The following PCDHGA6 variants were observed in gnomAD, a reference collection of about 807,000 sequenced individuals.
The protein encoded by PCDHGA6 is protocadherin gamma-A6.
In PCDHGA6, 41 loss-of-function variants were observed where a neutral mutation model predicts 60.6. That is an observed-to-expected ratio of 0.68 (90% CI 0.53 to 0.88). The LOEUF (loss-of-function observed/expected upper bound fraction) is 0.88, where lower values mean the gene tolerates loss of function less well. Among genes scored for constraint, PCDHGA6 ranks in the 40% least tolerant of loss-of-function variants. PCDHGA6 has a pLI of 0.00. For missense variants in PCDHGA6, 1,312 were observed against 1,203.0 expected, an observed-to-expected ratio of 1.09 and a Z score of -1.34; for synonymous variants, 594 against 524.4, an observed-to-expected ratio of 1.13 and a Z score of -1.81.
At chr5:141,377,892 C>T (rs1387473486) in intron 1 of PCDHGA6, 1 of 152,170 alleles carries the variant, frequency 6.6e-6, no homozygotes, top group Non-Finnish European at 1.5e-5. Context: ...TAGGATCCCC[C>T]TCTGTTGCCC....
At chr5:141,435,421 C>T (rs1384040447) in intron 1 of PCDHGA6, among the ~76,000 whole-genome samples, 2 of 152,096 alleles carry the variant, frequency 1.3e-5, no homozygotes, top group Non-Finnish European at 2.9e-5. Context: ...CTATTTTTCA[C>T]TTCTGTTATG....
intron 1 of PCDHGA6, chr5:141,418,165 T>G (rs1296752918): frequency 6.2e-7 from 1 of 1,614,034 alleles, no homozygotes. Flanking sequence ...GAAGAAGATG[T>G]GAGTTGCAAT....
In PCDHGA6 at chr5:141,432,973, G is replaced by T. The variant is rs150572360; in HGVS notation, c.2424+56466G>T. The T allele has an allele frequency of 3.7e-6, 6 of 1,614,096 alleles. 1 individual carries two copies. The highest frequency in any genetic ancestry group is 1.7e-5 in the Admixed American group (1 of 60,014). Reference sequence around the variant, plus strand: ...GCGGCTTGACAGGAGCGCCGGCGTCGCACTTTGTGGGCGTGGACGGGGTGC... The same window carrying T: ...GCGGCTTGACAGGAGCGCCGGCGTCTCACTTTGTGGGCGTGGACGGGGTGC... On this transcript the variant is annotated intron_variant, in intron 1 of 3. Coordinates refer to ENST00000517434, the MANE Select transcript of PCDHGA6 (RefSeq NM_018919.3). This position sits in a 1 kb window ranked among gnomAD's most constrained non-coding sequence, Gnocchi z 6.0.
intron 2 of PCDHGA6, among the ~76,000 whole-genome samples, chr5:141,501,009 C>T (rs2099804715): frequency 2.0e-5 from 3 of 152,040 alleles, no homozygotes; most frequent in Non-Finnish European, 4.4e-5. Context: ...GCTGGGACTA[C>T]AGGCACGCGC....
chr5:141,421,216 T>G, intron 1 of PCDHGA6: 1 of 1,567,154 alleles, frequency 6.4e-7, no homozygotes, highest in Non-Finnish European at 8.6e-7. Flanking sequence ...GAATATCGGC[T>G]TAGAGCCTGC....
chr5:141,458,054 T>G (rs2098935656), intron 1 of PCDHGA6, among the ~76,000 whole-genome samples: 1 of 152,252 alleles, frequency 6.6e-6, no homozygotes, highest in Admixed American at 6.5e-5. Context: ...GGATTCTTGC[T>G]GCACTGATGC....
chr5:141,384,126 C>A lies in PCDHGA6; in HGVS notation c.2424+7619C>A, dbSNP rs749225079. On this transcript the variant is annotated intron_variant, in intron 1 of 3. Transcript: ENST00000517434. ...ATTATAGATTGGTCACAACCAAAAA[C>A]TTGGACCGGGAAACACTCTCTTTGT... 4 of 1,610,820 alleles carry A rather than the reference C, an allele frequency of 2.5e-6. No individual in the cohort carries two copies. The Admixed American group carries it at 6.7e-5, about 27-fold the overall frequency.
chr5:141,486,985 T>C lies in PCDHGA6; in HGVS notation c.2425-7822T>C. On this transcript the variant is annotated intron_variant, in intron 1 of 3. Coordinates refer to ENST00000517434, the MANE Select transcript of PCDHGA6 (RefSeq NM_018919.3). The surrounding 1 kb of genome is among the most constrained non-coding windows in gnomAD (Gnocchi z 5.0). ...TGGACTTGGATTCAGGTTACAATGC[T>C]TGGGTTTCCTATCAGCTCCTGGAGG... 1 of 1,614,208 alleles carries C rather than the reference T, an allele frequency of 6.2e-7. No individual in the cohort carries two copies. The highest frequency in any genetic ancestry group is 8.5e-7 in the Non-Finnish European group (1 of 1,180,040).
intron 1 of PCDHGA6, chr5:141,408,193 C>T (rs1280310689): frequency 6.5e-7 from 1 of 1,545,210 alleles, no homozygotes; most frequent in Non-Finnish European, 8.7e-7. Flanking sequence ...AGCGAGAACC[C>T]GAGCGAACGA....
At chr5:141,492,952 C>T (rs1428667098) in intron 1 of PCDHGA6, among the ~76,000 whole-genome samples, 1 of 152,242 alleles carries the variant, frequency 6.6e-6, no homozygotes, top group Non-Finnish European at 1.5e-5. Context: ...GGTGACCAAA[C>T]TATCTGACAC....
chr5:141,472,852 G>A (rs1354948628), intron 1 of PCDHGA6, among the ~76,000 whole-genome samples: 1 of 151,160 alleles, frequency 6.6e-6, no homozygotes, highest in African/African-American at 2.4e-5. Flanking sequence ...TGGGCATGGT[G>A]GCACATGCCT....
intron 1 of PCDHGA6, chr5:141,398,970 C>G (rs1320199481): frequency 6.2e-7 from 1 of 1,613,958 alleles, no homozygotes; most frequent in South Asian, 1.1e-5. Flanking sequence ...CTTATTCCTT[C>G]TACAGAACCG....
In PCDHGA6 at chr5:141,494,886, C is replaced by T. The variant is rs1212594477; in HGVS notation, c.2483+21C>T. ...AGCGGGTAGGTGACTGATTCTCCAG[C>T]CCACCCTCTTCTCTGCGGCATTTTC... On this transcript the variant is annotated intron_variant, in intron 2 of 3. Coordinates refer to ENST00000517434, the MANE Select transcript of PCDHGA6 (RefSeq NM_018919.3). 8 of 1,614,010 alleles carry T rather than the reference C, an allele frequency of 5.0e-6. No homozygotes were observed. The Admixed American group carries it at 8.3e-5, about 17-fold the overall frequency.
chr5:141,415,203 G>C (rs2095843560), intron 1 of PCDHGA6: 24 of 1,614,032 alleles, frequency 1.5e-5, no homozygotes, highest in Non-Finnish European at 2.0e-5. Flanking sequence ...CCCAAGTCCT[G>C]GCGGACCTCG....
chr5:141,491,119 G>A lies in PCDHGA6; in HGVS notation c.2425-3688G>A. 6.2e-7 allele frequency: 1 copy of A among 1,614,216 alleles called. No individual in the cohort carries two copies. The highest frequency in any genetic ancestry group is 1.1e-5 in the South Asian group (1 of 91,086). ...GTTCCTCGTGTCTACACACACTGGT[G>A]AGGTGCGCACAGCCCGGGCCTTACT... On this transcript the variant is annotated intron_variant, in intron 1 of 3. Transcript: ENST00000517434. The surrounding 1 kb of genome is among the most constrained non-coding windows in gnomAD (Gnocchi z 6.9).
rs73279071 is a variant in PCDHGA6 at position 141,386,620 on chromosome 5, C to G, written c.2424+10113C>G. 8.3e-3 allele frequency among the ~76,000 whole-genome samples: 1,265 copies of G among 151,666 alleles called. 17 individuals carry two copies. The highest frequency in any genetic ancestry group is 0.029 in the African/African-American group (1,203 of 41,334). On this transcript the variant is annotated intron_variant, in intron 1 of 3. Transcript: ENST00000517434. ...ATTTTTTTTTTTTGACATGGAGTCTCGCTCTGTCACCCAGGCTGGATACAT... is the reference window on the plus strand; with the variant it reads ...ATTTTTTTTTTTTGACATGGAGTCTGGCTCTGTCACCCAGGCTGGATACAT...
At position 141,486,637 on chromosome 5, in the gene PCDHGA6, G is replaced by C. The variant is rs761072169; in HGVS notation, c.2425-8170G>C. 28 of 1,613,638 alleles carry C rather than the reference G, an allele frequency of 1.7e-5. No homozygotes were observed. The highest frequency in any genetic ancestry group is 1.1e-5 in the Non-Finnish European group (13 of 1,180,034). ...CTGACCCAGACTCTGGCTTGAATGC[G>C]CTTATCTCCTACTCACTCCTGGAGC... On this transcript the variant is annotated intron_variant, in intron 1 of 3. Transcript: ENST00000517434. This position sits in a 1 kb window ranked among gnomAD's most constrained non-coding sequence, Gnocchi z 5.0.
intron 1 of PCDHGA6, chr5:141,385,153 A>T: frequency 6.2e-7 from 1 of 1,614,128 alleles, no homozygotes; most frequent in South Asian, 1.1e-5. Flanking sequence ...TTTCCTGCAG[A>T]CCTATTCCCA....
chr5:141,477,043 G>A lies in PCDHGA6; in HGVS notation c.2425-17764G>A. The A allele has an allele frequency of 6.2e-7, 1 of 1,614,260 alleles. No individual in the cohort carries two copies. Among genetic ancestry groups the A allele is most frequent in the Middle Eastern group, 1.6e-4 (1 of 6,062 alleles). On this transcript the variant is annotated intron_variant, in intron 1 of 3. Coordinates refer to ENST00000517434, the MANE Select transcript of PCDHGA6 (RefSeq NM_018919.3). This position sits in a 1 kb window ranked among gnomAD's most constrained non-coding sequence, Gnocchi z 4.9. The stretch of plus-strand genomic sequence containing the variant: ...CCGGGATGCTGACAATCAAGGGTCG[G>A]CTGGACTTCGAGGACACCAAACTCC...
Sources: gnomAD v4.1 joint callset for allele counts (sites outside exome capture counted in the v4.1 genomes callset) on GRCh38, gnomAD v4.1.1 for gene constraint, Gnocchi (gnomAD v3.1) non-coding constraint, MANE v1.5 for transcripts, NCBI Gene and HGNC (gene_info 2026-07-23, HGNC 2026-07-21) for gene names.